OPHN1: variants seen among roughly 807,000 people sequenced by gnomAD.
OPHN1 encodes oligophrenin 1.
OPHN1 carries 11 observed loss-of-function variants against 60.7 expected under a neutral mutation model. That is an observed-to-expected ratio of 0.18 (90% CI 0.11 to 0.30). The LOEUF is 0.30. Ranked by LOEUF, OPHN1 falls within the 10% of genes least tolerant of loss-of-function variation. The pLI, the probability that OPHN1 is intolerant of heterozygous loss-of-function variation, is 1.00. For missense variants in OPHN1, 449 were observed against 611.0 expected (o/e 0.73, Z 2.80); for synonymous variants, 226 against 222.6 (o/e 1.02, Z -0.14).
At chrX:68,124,645 G>A (rs1404220211) in intron 15 of OPHN1, among the ~76,000 whole-genome samples, 1 of 103,937 alleles carries the variant, frequency 9.6e-6, no homozygotes, top group African/African-American at 3.6e-5. Flanking sequence ...CAGACCATAT[G>A]TTAGGTCACA....
intron 20 of OPHN1, among the ~76,000 whole-genome samples, chrX:68,067,181 G>A (rs1192934856): frequency 8.9e-6 from 1 of 112,180 alleles, no homozygotes; most frequent in Non-Finnish European, 1.9e-5. Flanking sequence ...GGATTAGAGA[G>A]GGTCTTTATA....
chrX:68,097,249 G>C (rs767115368), intron 18 of OPHN1, among the ~76,000 whole-genome samples: 1 of 111,856 alleles, frequency 8.9e-6, no homozygotes, highest in African/African-American at 3.2e-5. Context: ...AGCTAACCTA[G>C]CTAACAGCAT....
chrX:68,138,886 T>G (rs534889133), intron 15 of OPHN1, among the ~76,000 whole-genome samples: 31 of 112,098 alleles, frequency 2.8e-4, no homozygotes, highest in Non-Finnish European at 5.4e-4. Flanking sequence ...TTAAAAACCA[T>G]GTTGTAAACA....
chrX:68,198,200 G>T (rs778243301), intron 11 of OPHN1, among the ~76,000 whole-genome samples: 7 of 111,589 alleles, frequency 6.3e-5, no homozygotes, highest in Admixed American at 2.9e-4. Context: ...AGGTGAGTTA[G>T]TCATAAGGGT....
chrX:68,061,722 G>C (rs1251124365), intron 21 of OPHN1, among the ~76,000 whole-genome samples: 7 of 111,533 alleles, frequency 6.3e-5, no homozygotes, highest in African/African-American at 2.0e-4. Flanking sequence ...TGGAAACCAA[G>C]GTACAAACAG....
At chrX:68,392,937 G>A (rs1303931384) in intron 2 of OPHN1, among the ~76,000 whole-genome samples, 4 of 110,790 alleles carry the variant, frequency 3.6e-5, no homozygotes, top group African/African-American at 1.3e-4. Flanking sequence ...TGTGTGACTC[G>A]ATTCTTCCGG....
rs1355922283 is a variant in OPHN1 at position 68,338,918 on chromosome X, T to TA, written c.155-39823dup. On this transcript the variant is annotated intron_variant, in intron 2 of 24. Coordinates refer to ENST00000355520, the MANE Select transcript of OPHN1 (RefSeq NM_002547.3). Reference sequence around the variant, plus strand: ...GGTGAAACCCCATCTCTACTAATAGTAAAAAAAAAATTAGCCAGGCATGGT... The same window carrying TA: ...GGTGAAACCCCATCTCTACTAATAGTAAAAAAAAAAATTAGCCAGGCATGGT... Among the ~76,000 whole-genome samples the TA allele has an allele frequency of 9.7e-5, 10 of 103,021 alleles. No individual in the cohort carries two copies. The South Asian group carries it at 1.3e-3, about 13-fold the overall frequency. The allele number at this position is 103,021 out of a possible 115,157, so 89.5% of individuals were successfully genotyped here. A position where few individuals can be genotyped will look rare whatever the true frequency, so the allele number is the denominator to read the frequency against.
intron 19 of OPHN1, among the ~76,000 whole-genome samples, chrX:68,087,159 A>T (rs1009106323): frequency 8.9e-6 from 1 of 112,355 alleles, no homozygotes; most frequent in Admixed American, 9.4e-5. Context: ...TTCAGAAAAA[A>T]ATCCCAGAAG....
chrX:68,132,138 T>C (rs994989429), intron 15 of OPHN1, among the ~76,000 whole-genome samples: 8 of 111,857 alleles, frequency 7.2e-5, no homozygotes, highest in Non-Finnish European at 1.5e-4. Flanking sequence ...TAGCTCTTAT[T>C]ATTTTGAAAT....
chrX:68,353,443 G>A (rs1157957457), intron 2 of OPHN1, among the ~76,000 whole-genome samples: 22 of 104,812 alleles, frequency 2.1e-4, no homozygotes, highest in Admixed American at 1.9e-3. Flanking sequence ...CCATGGTGGC[G>A]GGTGCCTGTA....
intron 3 of OPHN1, among the ~76,000 whole-genome samples, chrX:68,294,422 G>A (rs964302774): frequency 4.3e-5 from 4 of 92,320 alleles, no homozygotes; most frequent in South Asian, 6.0e-4. Context: ...GCAGTGAGTC[G>A]AGATCACGCC....
chrX:68,121,210 G>A (rs748920878), intron 15 of OPHN1, among the ~76,000 whole-genome samples: 15 of 112,195 alleles, frequency 1.3e-4, no homozygotes, highest in Non-Finnish European at 2.1e-4. Context: ...GACAACCCAC[G>A]GATTGGGTAA....
At chrX:68,077,934 T>C (rs764255210) in intron 19 of OPHN1, among the ~76,000 whole-genome samples, 4 of 112,259 alleles carry the variant, frequency 3.6e-5, no homozygotes, top group South Asian at 7.5e-4. Context: ...CTATCACTTA[T>C]GGCCTCTGTC....
At chrX:68,066,233 G>A (rs2076912748) in intron 20 of OPHN1, among the ~76,000 whole-genome samples, 1 of 112,122 alleles carries the variant, frequency 8.9e-6, no homozygotes, top group Admixed American at 9.4e-5. Flanking sequence ...TCCCTCACAT[G>A]CTTTAGCCCA....
At chrX:68,151,442 T>A (rs2077285062) in intron 15 of OPHN1, among the ~76,000 whole-genome samples, 2 of 111,671 alleles carry the variant, frequency 1.8e-5, no homozygotes, top group Non-Finnish European at 3.8e-5. Context: ...CAAACCATCA[T>A]GAAAATAAAA....
intron 21 of OPHN1, among the ~76,000 whole-genome samples, chrX:68,059,468 C>T (rs1050289363): frequency 8.9e-6 from 1 of 111,758 alleles, no homozygotes; most frequent in Non-Finnish European, 1.9e-5. Flanking sequence ...AGCCTTCCTG[C>T]TTCCTTAGCC....
chrX:68,209,368 T>C (rs1346892270), intron 9 of OPHN1, among the ~76,000 whole-genome samples: 1 of 111,876 alleles, frequency 8.9e-6, no homozygotes, highest in Non-Finnish European at 1.9e-5. Flanking sequence ...AGAGCATCCA[T>C]GAGCCTGAGC....
intron 2 of OPHN1, among the ~76,000 whole-genome samples, chrX:68,400,969 A>G (rs891771204): frequency 5.4e-5 from 6 of 111,316 alleles, no homozygotes; most frequent in African/African-American, 1.3e-4. Context: ...CAGGGGCAAG[A>G]AGAGGTGGGG....
chrX:68,084,930 T>C (rs1442292977), intron 19 of OPHN1, among the ~76,000 whole-genome samples: 1 of 112,225 alleles, frequency 8.9e-6, no homozygotes, highest in East Asian at 2.8e-4. Flanking sequence ...TCTCTAAAAT[T>C]AAAATGTGGC....
Sources: gnomAD v4.1 joint callset for allele counts (sites outside exome capture counted in the v4.1 genomes callset) on GRCh38, gnomAD v4.1.1 for gene constraint, MANE v1.5 for transcripts, NCBI Gene and HGNC (gene_info 2026-07-23, HGNC 2026-07-21) for gene names.